The following MDGA2 variants were observed in gnomAD, a reference collection of about 807,000 sequenced individuals.
The protein encoded by MDGA2 is MAM domain-containing glycosylphosphatidylinositol anchor protein 2.
MDGA2 carries 40 observed loss-of-function variants against 117.8 expected under a neutral mutation model. That is an observed-to-expected ratio of 0.34 (90% CI 0.26 to 0.44). MDGA2 has a LOEUF of 0.44. Among genes scored for constraint, MDGA2 ranks in the 20% least tolerant of loss-of-function variants. The probability of loss-of-function intolerance (pLI) is 1.00; values close to 1 mark genes in which losing one functional copy is unlikely to be tolerated. For missense variants in MDGA2, 1,123 were observed against 1,250.6 expected (o/e 0.90, Z 1.54); for synonymous variants, 452 against 439.0 (o/e 1.03, Z -0.37).
intron 1 of MDGA2, among the ~76,000 whole-genome samples, chr14:47,649,082 ATATTTG>A (rs1365780822): frequency 1.3e-5 from 2 of 152,152 alleles, no homozygotes; most frequent in Non-Finnish European, 2.9e-5. Flanking sequence ...ATCATATAAA[ATATTTG>A]TATACTCATT....
At chr14:47,248,214 T>TA (rs915058922) in intron 2 of MDGA2, among the ~76,000 whole-genome samples, 15 of 150,436 alleles carry the variant, frequency 1.0e-4, no homozygotes, top group African/African-American at 3.2e-4. Flanking sequence ...AAAAAATAAA[T>TA]AAAAAAAATA....
At chr14:47,522,593 A>G (rs1266338398) in intron 1 of MDGA2, among the ~76,000 whole-genome samples, 2 of 96,260 alleles carry the variant, frequency 2.1e-5, no homozygotes, top group Non-Finnish European at 4.4e-5. Flanking sequence ...GATATTTCTA[A>G]GTTTCAAATT....
chr14:46,990,899 C>CACACACACACAT (rs147192624), intron 8 of MDGA2, among the ~76,000 whole-genome samples: 7 of 146,702 alleles, frequency 4.8e-5, no homozygotes, highest in Non-Finnish European at 1.0e-4. Context: ...CACACACACA[C>CACACACACACAT]ACCCCGCGTA....
intron 5 of MDGA2, among the ~76,000 whole-genome samples, chr14:47,126,136 T>C (rs891714182): frequency 2.6e-5 from 4 of 152,038 alleles, no homozygotes; most frequent in Non-Finnish European, 4.4e-5. Context: ...TACAGCTACA[T>C]TAAGAATTTA....
At chr14:47,413,476 T>A (rs1892413961) in intron 1 of MDGA2, among the ~76,000 whole-genome samples, 1 of 152,150 alleles carries the variant, frequency 6.6e-6, no homozygotes, top group South Asian at 2.1e-4. Context: ...AGGCATTGCC[T>A]GGGTCTTCAA....
chr14:47,535,457 T>G (rs7141698), intron 1 of MDGA2, among the ~76,000 whole-genome samples: 7,101 of 152,286 alleles, frequency 0.047, 564 homozygotes, highest in African/African-American at 0.16. Flanking sequence ...GGGCTGCTTT[T>G]GTGAAAGACT....
intron 1 of MDGA2, among the ~76,000 whole-genome samples, chr14:47,313,322 G>T (rs1470768403): frequency 6.6e-6 from 1 of 152,038 alleles, no homozygotes; most frequent in Non-Finnish European, 1.5e-5. Context: ...ACTCAGGCTG[G>T]AATGGAGTGA....
At chr14:47,653,292 C>G (rs1314788210) in intron 1 of MDGA2, among the ~76,000 whole-genome samples, 2 of 152,090 alleles carry the variant, frequency 1.3e-5, no homozygotes, top group Non-Finnish European at 2.9e-5. Context: ...AGCAATAGTT[C>G]TTTGCTGAGA....
intron 1 of MDGA2, among the ~76,000 whole-genome samples, chr14:47,493,920 A>C (rs980123747): frequency 3.3e-5 from 5 of 152,192 alleles, no homozygotes; most frequent in African/African-American, 4.8e-5. Flanking sequence ...CCAAAATTTC[A>C]TCTTGAATTA....
chr14:47,534,653 G>C (rs1284889317), intron 1 of MDGA2, among the ~76,000 whole-genome samples: 1 of 152,166 alleles, frequency 6.6e-6, no homozygotes, highest in African/African-American at 2.4e-5. Context: ...CCCTCCACAT[G>C]TGGGGGTTAT....
intron 1 of MDGA2, among the ~76,000 whole-genome samples, chr14:47,577,309 A>T (rs887361062): frequency 2.0e-5 from 3 of 152,170 alleles, no homozygotes; most frequent in Non-Finnish European, 2.9e-5. Context: ...TTAAAGACGT[A>T]AATGTAAAAC....
chr14:47,503,200 G>C (rs1356020933), intron 1 of MDGA2, among the ~76,000 whole-genome samples: 1 of 151,786 alleles, frequency 6.6e-6, no homozygotes, highest in African/African-American at 2.4e-5. Context: ...ATATAAATCT[G>C]TTTTAAAATC....
At chr14:47,252,661 A>G (rs1371947863) in intron 2 of MDGA2, among the ~76,000 whole-genome samples, 2 of 152,200 alleles carry the variant, frequency 1.3e-5, no homozygotes, top group Admixed American at 1.3e-4. Flanking sequence ...GGGAGTAACA[A>G]CCTGAATTCA....
At chr14:46,875,230 G>A (rs1441533969) in intron 12 of MDGA2, among the ~76,000 whole-genome samples, 1 of 151,610 alleles carries the variant, frequency 6.6e-6, no homozygotes, top group African/African-American at 2.4e-5. Flanking sequence ...GTCTCTCTCC[G>A]ACCTACCCAT....
intron 1 of MDGA2, among the ~76,000 whole-genome samples, chr14:47,344,946 T>TA (rs541869850): frequency 2.0e-5 from 3 of 152,044 alleles, no homozygotes; most frequent in African/African-American, 4.8e-5. Flanking sequence ...TAACAACTTC[T>TA]AAAAAAACTT....
At chr14:47,574,556 C>T (rs1234529841) in intron 1 of MDGA2, among the ~76,000 whole-genome samples, 2 of 152,138 alleles carry the variant, frequency 1.3e-5, no homozygotes, top group Non-Finnish European at 2.9e-5. Context: ...TTAATCCAGT[C>T]ATGACAGGTC....
At chr14:47,561,817 G>T (rs1406057454) in intron 1 of MDGA2, among the ~76,000 whole-genome samples, 2 of 152,132 alleles carry the variant, frequency 1.3e-5, no homozygotes, top group East Asian at 1.9e-4. Context: ...TTTTGAAGGG[G>T]AATATTTCTA....
At chr14:47,537,924 A>C (rs997788806) in intron 1 of MDGA2, among the ~76,000 whole-genome samples, 12 of 152,208 alleles carry the variant, frequency 7.9e-5, no homozygotes, top group African/African-American at 2.9e-4. Context: ...ATAATGAACA[A>C]TAACCATGTA....
chr14:46,862,447 A>G (rs1881549060), intron 14 of MDGA2, among the ~76,000 whole-genome samples: 1 of 149,160 alleles, frequency 6.7e-6, no homozygotes, highest in Non-Finnish European at 1.5e-5. Flanking sequence ...TTGCATAAAT[A>G]ATATTTATCA....
Sources: allele counts gnomAD v4.1 joint callset (sites outside exome capture counted in the v4.1 genomes callset), GRCh38; gene constraint gnomAD v4.1.1; transcripts MANE v1.5; gene names NCBI Gene and HGNC (gene_info 2026-07-23, HGNC 2026-07-21).